The following ODAD2 variants were observed in gnomAD, a reference collection of about 807,000 sequenced individuals.
ODAD2 encodes the protein outer dynein arm-docking complex subunit 2.
In ODAD2, 89 loss-of-function variants were observed where a neutral mutation model predicts 106.8. The observed-to-expected ratio is 0.83, with a 90% CI of 0.70 to 0.99. The LOEUF (loss-of-function observed/expected upper bound fraction) is 0.99, where lower values mean the gene tolerates loss of function less well. ODAD2 is among the 50% of genes least tolerant of loss of function. ODAD2 has a pLI of 0.00. For synonymous variants in ODAD2, 404 were observed against 436.2 expected, an observed-to-expected ratio of 0.93 and a Z score of 0.92; for missense variants, 1,168 against 1,238.5, an observed-to-expected ratio of 0.94 and a Z score of 0.85.
At chr10:27,909,491 T>G (rs188904157) in intron 16 of ODAD2, among the ~76,000 whole-genome samples, 8 of 152,184 alleles carry the variant, frequency 5.3e-5, no homozygotes, top group Admixed American at 1.3e-4. Flanking sequence ...CTATAATGAG[T>G]GAGGATTTTG....
intron 17 of ODAD2, among the ~76,000 whole-genome samples, chr10:27,875,488 T>A (rs925634093): frequency 2.6e-5 from 4 of 152,236 alleles, no homozygotes; most frequent in Non-Finnish European, 5.9e-5. Flanking sequence ...TGTGGTTTTA[T>A]CTACCTTTGG....
chr10:27,833,546 AGTAT>A (rs767144194), intron 19 of ODAD2, among the ~76,000 whole-genome samples: 99 of 152,366 alleles, frequency 6.5e-4, no homozygotes, highest in Middle Eastern at 3.4e-3. Context: ...AAATATTGTA[AGTAT>A]GTATCTCTCC....
chr10:27,844,806 C>T (rs1176741724), intron 19 of ODAD2, among the ~76,000 whole-genome samples: 1 of 152,128 alleles, frequency 6.6e-6, no homozygotes, highest in African/African-American at 2.4e-5. Flanking sequence ...TTTTTCATTT[C>T]TTCTCACTTG....
In ODAD2 at chr10:27,860,733, AT is replaced by A. The variant is rs754142424; in HGVS notation, c.2912del (p.Tyr971PhefsTer2). 49 of 1,614,158 alleles carry A rather than the reference AT, an allele frequency of 3.0e-5. No individual in the cohort carries two copies. The highest frequency in any genetic ancestry group is 4.1e-5 in the Non-Finnish European group (48 of 1,180,018). On this transcript the variant is annotated frameshift_variant, in exon 19 of 20. Coordinates refer to ENST00000305242, the MANE Select transcript of ODAD2 (RefSeq NM_018076.5). LOFTEE classifies it high-confidence loss of function. ...EHKAVAPLVRYLKSNDTNVHR... is the reference protein window; with the variant it reads ...EHKAVAPLVRXLKSNDTNVHR... ...GCACGTTGGTGTCATTTGATTTCAG[AT>A]AACGCACTAGTGGAGCCACTGCTTT... is the stretch of plus-strand genomic sequence containing the variant.
chr10:27,828,254 G>A (rs1230531724), intron 19 of ODAD2, among the ~76,000 whole-genome samples: 6 of 152,188 alleles, frequency 3.9e-5, no homozygotes, highest in Non-Finnish European at 8.8e-5. Context: ...TTGAGAGAAT[G>A]CTACTTCCCT....
At chr10:27,962,701 A>C (rs546924693) in intron 9 of ODAD2, among the ~76,000 whole-genome samples, 4 of 152,160 alleles carry the variant, frequency 2.6e-5, no homozygotes, top group African/African-American at 4.8e-5. Flanking sequence ...CTGGAATCCA[A>C]TATATGCCCT....
intron 16 of ODAD2, among the ~76,000 whole-genome samples, chr10:27,913,798 A>G (rs1844175831): frequency 6.6e-6 from 1 of 152,164 alleles, no homozygotes; most frequent in Non-Finnish European, 1.5e-5. Flanking sequence ...ATCTCACATG[A>G]GTCGGAATGG....
At chr10:27,865,246 C>T (rs1000634755) in intron 17 of ODAD2, among the ~76,000 whole-genome samples, 2 of 152,208 alleles carry the variant, frequency 1.3e-5, no homozygotes, top group African/African-American at 2.4e-5. Context: ...AACCCTGGCA[C>T]TCATTCCCTG....
Position 27,899,704 on chromosome 10 carries a change from C to T in ODAD2, c.2610+7959G>A, listed in dbSNP as rs192463671. On this transcript the variant is annotated intron_variant, in intron 17 of 19. Coordinates refer to ENST00000305242, the MANE Select transcript of ODAD2 (RefSeq NM_018076.5). ...GTGTAAACAAAGCCTCCAGGAAGTT[C>T]GAACTGGGCGGAGCCCACCACAGCT... Among the ~76,000 whole-genome samples, 402 of 152,274 alleles carry T rather than the reference C, an allele frequency of 2.6e-3. 3 individuals are homozygous for T. The highest frequency in any genetic ancestry group is 9.1e-3 in the African/African-American group (380 of 41,576).
intron 12 of ODAD2, among the ~76,000 whole-genome samples, chr10:27,941,605 T>G (rs1440187689): frequency 4.7e-5 from 7 of 149,954 alleles, no homozygotes; most frequent in Non-Finnish European, 7.4e-5. Flanking sequence ...AGTTTTTTTT[T>G]TTTTTTTTTT....
intron 19 of ODAD2, among the ~76,000 whole-genome samples, chr10:27,832,662 T>A (rs1422403788): frequency 1.3e-5 from 2 of 152,200 alleles, no homozygotes; most frequent in Non-Finnish European, 2.9e-5. Flanking sequence ...TTTCATGAAT[T>A]ACCAGAGCAC....
At chr10:27,858,180 G>T (rs531995843) in intron 19 of ODAD2, among the ~76,000 whole-genome samples, 14 of 152,084 alleles carry the variant, frequency 9.2e-5, no homozygotes, top group South Asian at 8.3e-4. Flanking sequence ...ATCAAATTAT[G>T]ATTCTACCAA....
Position 27,962,361 on chromosome 10 carries a change from C to T in ODAD2, c.1239-646G>A, listed in dbSNP as rs560106735. Among the ~76,000 whole-genome samples the T allele has an allele frequency of 1.6e-3, 250 of 152,332 alleles. 2 individuals are homozygous for T. Among genetic ancestry groups the T allele is most frequent in the Non-Finnish European group, 2.9e-3 (198 of 68,018 alleles). On this transcript the variant is annotated intron_variant, in intron 9 of 19. Coordinates refer to ENST00000305242, the MANE Select transcript of ODAD2 (RefSeq NM_018076.5). ...TTTCAAGTGCTCAATGGCCCACGTG[C>T]CTCGTGGTTACCACACTGGACAGCT...
intron 19 of ODAD2, among the ~76,000 whole-genome samples, chr10:27,857,497 C>G (rs1319169612): frequency 6.6e-6 from 1 of 152,172 alleles, no homozygotes; most frequent in Non-Finnish European, 1.5e-5. Flanking sequence ...AAATATATTA[C>G]TAAAATTAAT....
intron 12 of ODAD2, among the ~76,000 whole-genome samples, chr10:27,943,898 C>T (rs1846652756): frequency 6.6e-6 from 1 of 150,944 alleles, no homozygotes; most frequent in Non-Finnish European, 1.5e-5. Flanking sequence ...AGCATTCCAC[C>T]GAGCAGCAGG....
chr10:27,910,811 CA>C (rs1843958577), intron 16 of ODAD2, among the ~76,000 whole-genome samples: 1 of 151,982 alleles, frequency 6.6e-6, no homozygotes, highest in African/African-American at 2.4e-5. Context: ...CAATTCTCAT[CA>C]GGGGAAGTTA....
intron 19 of ODAD2, among the ~76,000 whole-genome samples, chr10:27,836,680 A>C (rs891334675): frequency 2.0e-5 from 3 of 152,216 alleles, no homozygotes; most frequent in Non-Finnish European, 2.9e-5. Flanking sequence ...TCAAATCATT[A>C]GTTTTATGGT....
At chr10:27,896,255 A>C (rs1842847336) in intron 17 of ODAD2, among the ~76,000 whole-genome samples, 1 of 152,226 alleles carries the variant, frequency 6.6e-6, no homozygotes, top group South Asian at 2.1e-4. Context: ...CTTATTACCT[A>C]ATCATAAAAG....
At chr10:27,880,853 C>T (rs1841656505) in intron 17 of ODAD2, among the ~76,000 whole-genome samples, 1 of 152,170 alleles carries the variant, frequency 6.6e-6, no homozygotes, top group Non-Finnish European at 1.5e-5. Context: ...TAGATCAAGT[C>T]ACCCAAGTTG....
Sources: gnomAD v4.1 joint callset for allele counts (sites outside exome capture counted in the v4.1 genomes callset) on GRCh38, gnomAD v4.1.1 for gene constraint, MANE v1.5 for transcripts, NCBI Gene and HGNC (gene_info 2026-07-23, HGNC 2026-07-21) for gene names.